NDFIP2: variants seen among roughly 807,000 people sequenced by gnomAD.
NDFIP2 encodes the protein NEDD4 family-interacting protein 2.
Under a neutral mutation model 36.0 loss-of-function variants are expected in NDFIP2, and 19 were observed. That is an observed-to-expected ratio of 0.53 (90% CI 0.37 to 0.77). The LOEUF (loss-of-function observed/expected upper bound fraction) is 0.77, where lower values mean the gene tolerates loss of function less well. NDFIP2 is among the 30% of genes least tolerant of loss of function. The pLI is 0.00. For synonymous variants in NDFIP2, 181 were observed against 167.7 expected, an observed-to-expected ratio of 1.08 and a Z score of -0.61; for missense variants, 446 against 435.8, an observed-to-expected ratio of 1.02 and a Z score of -0.21.
chr13:79,536,874 A>G (rs1463021781), intron 3 of NDFIP2, among the ~76,000 whole-genome samples: 1 of 151,974 alleles, frequency 6.6e-6, no homozygotes, highest in East Asian at 1.9e-4. Flanking sequence ...AAAGAAAAAA[A>G]AAAATCAGCT....
intron 1 of NDFIP2, among the ~76,000 whole-genome samples, chr13:79,503,934 T>C (rs537135944): frequency 1.3e-5 from 2 of 152,194 alleles, no homozygotes; most frequent in South Asian, 2.1e-4. Flanking sequence ...TTCCTTGTCT[T>C]CTTGTTCCCA....
chr13:79,533,525 T>C (rs1321955680), intron 3 of NDFIP2, 69 bp downstream of exon 3: 32 of 1,396,562 alleles, frequency 2.3e-5, no homozygotes, highest in Admixed American at 5.4e-5. Flanking sequence ...TTAGTAATAC[T>C]AAAAACAGTT....
At chr13:79,523,107 C>G (rs1874649574) in intron 2 of NDFIP2, among the ~76,000 whole-genome samples, 1 of 152,120 alleles carries the variant, frequency 6.6e-6, no homozygotes, top group African/African-American at 2.4e-5. Context: ...TACAGCAAGC[C>G]CCCTTATCCA....
chr13:79,535,934 C>A (rs1431411778), intron 3 of NDFIP2, among the ~76,000 whole-genome samples: 1 of 152,126 alleles, frequency 6.6e-6, no homozygotes, highest in Non-Finnish European at 1.5e-5. Flanking sequence ...GAAAAAAAGT[C>A]TCATCAAATT....
chr13:79,544,709 C>T (rs958961182), intron 5 of NDFIP2, among the ~76,000 whole-genome samples: 2 of 152,034 alleles, frequency 1.3e-5, no homozygotes, highest in African/African-American at 4.8e-5. Context: ...AATATATTAG[C>T]TTCTCTTAAA....
intron 4 of NDFIP2, among the ~76,000 whole-genome samples, chr13:79,543,038 G>A (rs183689498): frequency 1.6e-3 from 248 of 151,964 alleles, no homozygotes; most frequent in Admixed American, 8.9e-3. Context: ...CACCACACCC[G>A]GCTAATTTTT....
chr13:79,504,675 G>C (rs1041809743), intron 1 of NDFIP2, among the ~76,000 whole-genome samples: 1 of 151,758 alleles, frequency 6.6e-6, no homozygotes, highest in African/African-American at 2.4e-5. Context: ...GTTTTAGAAA[G>C]GTTCAGGTCA....
intron 3 of NDFIP2, among the ~76,000 whole-genome samples, chr13:79,537,338 TGACTTCAAGTGATCCACCCACCTC>T (rs999680020): frequency 5.3e-5 from 8 of 152,128 alleles, no homozygotes; most frequent in Admixed American, 4.6e-4. Flanking sequence ...CTTGAACTCC[TGACTTCAAGTGATCCACCCACCTC>T]GGCCTCCCAA....
Position 79,539,434 on chromosome 13 carries a change from G to A in NDFIP2, c.622-248G>A, listed in dbSNP as rs552507710. ...TGTATCTTCTTGATACCATTTTTAT[G>A]AGTTTGATGTTATTCATCTTTTATC... is the stretch of plus-strand genomic sequence containing the variant. On this transcript the variant is annotated intron_variant, in intron 3 of 7. Transcript: ENST00000218652. Among the ~76,000 whole-genome samples, 5 of 152,188 alleles carry A rather than the reference G, an allele frequency of 3.3e-5. No individual in the cohort carries two copies. The South Asian group carries it at 1.0e-3, about 32-fold the overall frequency.
At position 79,503,759 on chromosome 13, in the gene NDFIP2, T is replaced by C. The variant is rs140754265; in HGVS notation, c.322-17051T>C. On this transcript the variant is annotated intron_variant, in intron 1 of 7. Transcript: ENST00000218652. ...AGGATTTAAGGTTGAGGGGATGATATTGTGGGTGGAGAGCTGGCTTATAAA... is the reference window on the plus strand; with the variant it reads ...AGGATTTAAGGTTGAGGGGATGATACTGTGGGTGGAGAGCTGGCTTATAAA... Among the ~76,000 whole-genome samples the C allele has an allele frequency of 3.2e-3, 484 of 152,244 alleles. 6 individuals carry two copies. The highest frequency in any genetic ancestry group is 0.011 in the African/African-American group (460 of 41,572).
chr13:79,523,850 G>A (rs1461132689), intron 2 of NDFIP2, among the ~76,000 whole-genome samples: 4 of 152,178 alleles, frequency 2.6e-5, no homozygotes, highest in African/African-American at 7.2e-5. Context: ...AAACCATCAC[G>A]ATGTCGATGA....
chr13:79,546,786 C>T (rs1452593691), intron 5 of NDFIP2, among the ~76,000 whole-genome samples: 2 of 152,026 alleles, frequency 1.3e-5, no homozygotes, highest in African/African-American at 4.8e-5. Context: ...CTGGGTAACA[C>T]GCAGAAATTT....
Position 79,551,091 on chromosome 13 carries a change from C to T in NDFIP2, c.982C>T (p.His328Tyr), listed in dbSNP as rs1385472457. ...CATGTCTGAAAGTATGGCAGCTGCT[C>T]ATAGAACAAGGTATTTCTTCTTATT... ...RNMSESMAAA[H>Y]RTRYFFLL is the part of the protein sequence containing the mutation. The change falls in exon 7 of 8, where the codon CAT becomes TAT. Residue 328 changes from histidine (H) to tyrosine (Y), a missense_variant. Transcript: ENST00000218652. 1 of 1,601,616 alleles carries T rather than the reference C, an allele frequency of 6.2e-7. No individual in the cohort carries two copies. Among genetic ancestry groups the T allele is most frequent in the Non-Finnish European group, 8.5e-7 (1 of 1,172,816 alleles).
chr13:79,537,983 G>A (rs192560337), intron 3 of NDFIP2, among the ~76,000 whole-genome samples: 7 of 151,426 alleles, frequency 4.6e-5, no homozygotes, highest in East Asian at 3.9e-4. Context: ...GGAAACTTAC[G>A]ATTGTGGCGG....
chr13:79,518,984 T>G (rs1874457835), intron 1 of NDFIP2: 2 of 152,248 alleles, frequency 1.3e-5, no homozygotes, highest in Admixed American at 6.5e-5. Flanking sequence ...TTTTGTATTT[T>G]TTGGTAGAGA....
intron 1 of NDFIP2, among the ~76,000 whole-genome samples, chr13:79,490,019 T>G (rs769990072): frequency 6.6e-6 from 1 of 152,158 alleles, no homozygotes; most frequent in African/African-American, 2.4e-5. Flanking sequence ...CAAGCAAATA[T>G]GTAGTCTCCA....
At chr13:79,496,760 T>C (rs948689856) in intron 1 of NDFIP2, among the ~76,000 whole-genome samples, 1 of 152,066 alleles carries the variant, frequency 6.6e-6, no homozygotes, top group African/African-American at 2.4e-5. Flanking sequence ...CTTTTTATAA[T>C]GGGTAAATTG....
At chr13:79,485,386 G>A (rs1872929087) in intron 1 of NDFIP2, among the ~76,000 whole-genome samples, 1 of 152,160 alleles carries the variant, frequency 6.6e-6, no homozygotes. Context: ...CAGCAAGAAT[G>A]TGCAGGGACA....
intron 1 of NDFIP2, among the ~76,000 whole-genome samples, chr13:79,489,186 A>G (rs529015969): frequency 2.6e-5 from 4 of 152,300 alleles, no homozygotes; most frequent in South Asian, 2.1e-4. Context: ...AGTGTTAGCT[A>G]GGACTGGAGC....
Sources: allele counts gnomAD v4.1 joint callset (sites outside exome capture counted in the v4.1 genomes callset), GRCh38; gene constraint gnomAD v4.1.1; transcripts MANE v1.5; gene names NCBI Gene and HGNC (gene_info 2026-07-23, HGNC 2026-07-21).